The following ADPRHL1 variants were observed in gnomAD, a reference collection of about 807,000 sequenced individuals.
ADPRHL1 encodes the protein ADP-ribosylhydrolase like 1.
In ADPRHL1, 43 loss-of-function variants were observed where a neutral mutation model predicts 44.1. The ratio of observed to expected loss-of-function variants is 0.98; its 90% CI spans 0.76 to 1.26. The LOEUF is 1.26. ADPRHL1 is among the 50% of genes most tolerant of loss of function. The pLI is 0.00. For missense variants in ADPRHL1, 2,022 were observed against 2,496.9 expected (o/e 0.81, Z 4.05); for synonymous variants, 878 against 1,017.4 (o/e 0.86, Z 2.61).
Position 113,407,736 on chromosome 13 carries a change from CCTT to C in ADPRHL1, c.1543_1545del (p.Lys515del). The stretch of plus-strand genomic sequence containing the variant: ...TCGCGTGCTTCTTTCTCCTTCGCCT[CCTT>C]CTCCTCGGCGGCCAAGAATATCTTC... On this transcript the variant is annotated inframe_deletion, in exon 8 of 8. Transcript: ENST00000612156. 14 of 1,232,134 alleles carry C rather than the reference CCTT, an allele frequency of 1.1e-5. No homozygotes were observed. Among genetic ancestry groups the C allele is most frequent in the Non-Finnish European group, 1.4e-5 (14 of 988,048 alleles). 76.3% of individuals were successfully genotyped at this position (1,232,134 alleles called of 1,614,324 possible). A position where few individuals can be genotyped will look rare whatever the true frequency, so the allele number is the denominator to read the frequency against.
rs199557593 is a variant in ADPRHL1 at position 113,428,964 on chromosome 13, G to T, written c.634C>A (p.Arg212=). 6.2e-7 allele frequency: 1 copy of T among 1,612,654 alleles called. No homozygotes were observed. Among genetic ancestry groups the T allele is most frequent in the South Asian group, 1.1e-5 (1 of 91,090 alleles). The change falls in exon 4 of 8, where the codon CGG becomes AGG. Residue 212 remains arginine (R), a synonymous_variant. Transcript: ENST00000612156. The stretch of plus-strand genomic sequence containing the variant: ...GGGAGCGGCTCACCTGCCGTGTGCC[G>T]GATGGTCTTCCTGCAGTACTCTTCT... ...LAEEYCRKTI[R]HTAEYQEHWF... is the part of the protein sequence containing the mutation.
At position 113,446,895 on chromosome 13, in the gene ADPRHL1, G is replaced by A. The variant is rs184531780; in HGVS notation, c.215-2306C>T. Reference sequence around the variant, plus strand: ...GTGTGTGCATGGTGTCTACAGTCACGGTGTTGTGTGTGCATGGTGTCTACA... The same window carrying A: ...GTGTGTGCATGGTGTCTACAGTCACAGTGTTGTGTGTGCATGGTGTCTACA... On this transcript the variant is annotated intron_variant, in intron 1 of 7. Coordinates refer to ENST00000612156, the MANE Select transcript of ADPRHL1 (RefSeq NM_001394807.1). Among the ~76,000 whole-genome samples the A allele has an allele frequency of 3.4e-3, 498 of 148,540 alleles. 2 individuals carry two copies. The highest frequency in any genetic ancestry group is 0.012 in the African/African-American group (473 of 40,038).
Position 113,406,460 on chromosome 13 carries a change from T to G in ADPRHL1, c.2822A>C (p.Glu941Ala), listed in dbSNP as rs2043809275. Residue 941 changes from glutamate to alanine, a missense_variant, in exon 8 of 8, where the codon GAG (glutamate) becomes GCG (alanine). This residue lies in a region of ADPRHL1 where 1,221 missense variants were observed against 1,517.8 expected (regional missense o/e 0.80). Coordinates refer to ENST00000612156, the MANE Select transcript of ADPRHL1 (RefSeq NM_001394807.1). ...GAVGADHSVP[E>A]TLLTQRLQTD... is the part of the protein sequence containing the mutation. ...CTGGAGTCTCTGTGTCAGAAGTGTC[T>G]CTGGGACACTGTGGTCGGCGCCCAC... 1 of 1,232,024 alleles carries G rather than the reference T, an allele frequency of 8.1e-7. No individual in the cohort carries two copies. Among genetic ancestry groups the G allele is most frequent in the African/African-American group, 1.5e-5 (1 of 64,556 alleles). 76.3% of individuals were successfully genotyped at this position (1,232,024 alleles called of 1,614,324 possible).
rs745589723 is a variant in ADPRHL1 at position 113,453,205 on chromosome 13, C to G, written c.214+19G>C. The G allele has an allele frequency of 1.9e-6, 3 of 1,612,704 alleles. No homozygotes were observed. In the African/African-American group the frequency reaches 4.0e-5, roughly 22 times the overall value. ...GTTCCCTCCAGCCCGCACACCGGAG[C>G]GCGGTGGGCCCAGCCTACCTGTGGT... is the stretch of plus-strand genomic sequence containing the variant. On this transcript the variant is annotated intron_variant, in intron 1 of 7. Coordinates refer to ENST00000612156, the MANE Select transcript of ADPRHL1 (RefSeq NM_001394807.1). This position sits in a 1 kb window ranked among gnomAD's most constrained non-coding sequence, Gnocchi z 5.4.
chr13:113,423,447 G>C (rs752116191), intron 6 of ADPRHL1, among the ~76,000 whole-genome samples: 1 of 152,238 alleles, frequency 6.6e-6, no homozygotes, highest in Non-Finnish European at 1.5e-5. Flanking sequence ...CTGGGGTCAC[G>C]GAGGAAACCC....
chr13:113,426,230 G>A (rs1390498930), intron 4 of ADPRHL1, among the ~76,000 whole-genome samples: 6 of 152,194 alleles, frequency 3.9e-5, no homozygotes, highest in Admixed American at 3.3e-4. Flanking sequence ...CTTCCCCGCC[G>A]TGGAGCCAGG....
intron 1 of ADPRHL1, among the ~76,000 whole-genome samples, chr13:113,448,205 G>T (rs1447397326): frequency 1.3e-5 from 2 of 152,012 alleles, no homozygotes; most frequent in African/African-American, 2.4e-5. Flanking sequence ...TTCTAAAGCT[G>T]CCTGAGGGGC....
chr13:113,410,223 G>A (rs2043842085), intron 7 of ADPRHL1: 1 of 710,028 alleles, frequency 1.4e-6, no homozygotes, highest in Admixed American at 6.3e-5. Context: ...CCCTCGCCCG[G>A]TTCAGTGAGT....
At chr13:113,408,723 G>C (rs2043827043) in intron 7 of ADPRHL1, among the ~76,000 whole-genome samples, 1 of 152,226 alleles carries the variant, frequency 6.6e-6, no homozygotes, top group African/African-American at 2.4e-5. Flanking sequence ...CCCTACAGCA[G>C]AGACTGAAGA....
Position 113,429,050 on chromosome 13 carries a change from G to T in ADPRHL1, c.548C>A (p.Ala183Asp). ...SLCTALFVSF[A>D]AQGKPLVQWG... is the part of the protein sequence containing the mutation. Reference sequence around the variant, plus strand: ...CTGGACCAGGGGCTTTCCTTGTGCGGCGAACGACACAAACAGGGCCGTGCA... The same window carrying T: ...CTGGACCAGGGGCTTTCCTTGTGCGTCGAACGACACAAACAGGGCCGTGCA... Residue 183 changes from alanine (A) to aspartate (D), a missense_variant, in exon 4 of 8, where the codon GCC becomes GAC. By Grantham distance (126) the Ala-to-Asp change is moderately radical. Coordinates refer to ENST00000612156, the MANE Select transcript of ADPRHL1 (RefSeq NM_001394807.1). 1 of 1,612,630 alleles carries T rather than the reference G, an allele frequency of 6.2e-7. No individual in the cohort carries two copies. The highest frequency in any genetic ancestry group is 1.1e-5 in the South Asian group (1 of 91,020).
intron 2 of ADPRHL1, among the ~76,000 whole-genome samples, chr13:113,434,217 T>G (rs2044029298): frequency 1.3e-5 from 2 of 152,116 alleles, no homozygotes; most frequent in Admixed American, 1.3e-4. Context: ...TAATGAAACA[T>G]GCACGACCCT....
chr13:113,407,343 G>A lies in ADPRHL1; in HGVS notation c.1939C>T (p.Arg647Cys), dbSNP rs1480767003. 7.3e-6 allele frequency: 9 copies of A among 1,231,998 alleles called. No homozygotes were observed. The East Asian group carries it at 1.9e-4, about 26-fold the overall frequency. 76.3% of individuals were successfully genotyped at this position (1,231,998 alleles called of 1,614,324 possible). A position where few individuals can be genotyped will look rare whatever the true frequency, so the allele number is the denominator to read the frequency against. ...CTKISHSEAR[R>C]PPRGEASVPP... The stretch of plus-strand genomic sequence containing the variant: ...ACGCTGGCTTCTCCTCTGGGTGGAC[G>A]CCTTGCCTCCGAGTGGCTGATTTTG... The change falls in exon 8 of 8, where the codon CGT becomes TGT. Residue 647 changes from arginine (R) to cysteine (C), a missense_variant. Coordinates refer to ENST00000612156, the MANE Select transcript of ADPRHL1 (RefSeq NM_001394807.1).
intron 1 of ADPRHL1, among the ~76,000 whole-genome samples, chr13:113,448,354 C>T (rs1258564203): frequency 1.3e-5 from 2 of 150,528 alleles, no homozygotes; most frequent in Non-Finnish European, 2.9e-5. Flanking sequence ...TTAGCCCAGC[C>T]TCTCAGGAGG....
chr13:113,421,020 A>C (rs1194288606), intron 7 of ADPRHL1, among the ~76,000 whole-genome samples: 1 of 110,916 alleles, frequency 9.0e-6, no homozygotes, highest in African/African-American at 3.5e-5. Flanking sequence ...TACCCCTGGG[A>C]CACCCCTACC....
intron 3 of ADPRHL1, among the ~76,000 whole-genome samples, chr13:113,430,419 C>T (rs1003097999): frequency 4.6e-5 from 7 of 152,138 alleles, no homozygotes; most frequent in Non-Finnish European, 8.8e-5. Flanking sequence ...TGGCAGGAGG[C>T]GAAGTGATGG....
At chr13:113,428,553 G>GCTCAA (rs1427887549) in intron 4 of ADPRHL1, among the ~76,000 whole-genome samples, 1 of 152,264 alleles carries the variant, frequency 6.6e-6, no homozygotes, top group Non-Finnish European at 1.5e-5. Context: ...CCTGAGGGAA[G>GCTCAA]GGCCCAGCCC....
intron 2 of ADPRHL1, 82 bp from the exon 3 acceptor site, chr13:113,433,949 A>G: frequency 6.9e-7 from 1 of 1,439,966 alleles, no homozygotes; most frequent in Middle Eastern, 1.8e-4. Flanking sequence ...GAATAATTTT[A>G]AAAGTAGAAA....
rs1305511498 is a variant in ADPRHL1, at chr13:113,405,626, G to A, written c.3656C>T (p.Ala1219Val). The change falls in exon 8 of 8, where the codon GCC becomes GTC. Residue 1219 changes from alanine to valine, a missense_variant. By Grantham distance (64) the Ala-to-Val change is moderately conservative (BLOSUM62 0). Coordinates refer to ENST00000612156, the MANE Select transcript of ADPRHL1 (RefSeq NM_001394807.1). ...TAATCGGGCCGCCTCTGGGTGCCGG[G>A]CGAGGGCCGCAGCATCCTCCGGGTG... is the stretch of plus-strand genomic sequence containing the variant. ...ARHPEDAAALARHPEAARLYI... is the reference protein window; with the variant it reads ...ARHPEDAAALVRHPEAARLYI... 2 of 1,232,824 alleles carry A rather than the reference G, an allele frequency of 1.6e-6. No homozygotes were observed. The highest frequency in any genetic ancestry group is 1.0e-6 in the Non-Finnish European group (1 of 988,860). 76.4% of individuals were successfully genotyped at this position (1,232,824 alleles called of 1,614,324 possible). A position where few individuals can be genotyped will look rare whatever the true frequency, so the allele number is the denominator to read the frequency against.
intron 1 of ADPRHL1, among the ~76,000 whole-genome samples, chr13:113,451,301 T>G (rs917010565): frequency 6.6e-6 from 1 of 152,250 alleles, no homozygotes; most frequent in Non-Finnish European, 1.5e-5. Flanking sequence ...ATATCTGGTA[T>G]AACTATTCTT....
Sources: allele counts gnomAD v4.1 joint callset (sites outside exome capture counted in the v4.1 genomes callset), GRCh38; gene constraint gnomAD v4.1.1; regional missense constraint gnomAD v4.1.1; non-coding constraint Gnocchi (gnomAD v3.1); transcripts MANE v1.5; gene names NCBI Gene and HGNC (gene_info 2026-07-23, HGNC 2026-07-21).